Variants in SPATA16 observed in about 807,000 individuals in gnomAD.
The protein encoded by SPATA16 is spermatogenesis associated 16.
A neutral mutation model predicts 63.3 loss-of-function variants in SPATA16; 36 were observed. The observed-to-expected ratio is 0.57, with a 90% CI of 0.44 to 0.75. SPATA16 has a LOEUF of 0.75. Among genes scored for constraint, SPATA16 ranks in the 30% least tolerant of loss-of-function variants. SPATA16 has a pLI of 0.00. For missense variants in SPATA16, 646 were observed against 679.3 expected, an observed-to-expected ratio of 0.95 and a Z score of 0.54; for synonymous variants, 203 against 216.7, an observed-to-expected ratio of 0.94 and a Z score of 0.56.
At chr3:172,897,271 G>A (rs970369753) in intron 10 of SPATA16, among the ~76,000 whole-genome samples, 20 of 151,954 alleles carry the variant, frequency 1.3e-4, no homozygotes, top group African/African-American at 4.1e-4. Flanking sequence ...AGGATATATC[G>A]GTTTATTTCT....
chr3:173,075,693 C>A (rs576022358), intron 2 of SPATA16, among the ~76,000 whole-genome samples: 1 of 152,050 alleles, frequency 6.6e-6, no homozygotes, highest in East Asian at 1.9e-4. Context: ...TATCACAGGT[C>A]CTCACTAACA....
intron 1 of SPATA16, among the ~76,000 whole-genome samples, chr3:173,137,686 G>A (rs1414254890): frequency 6.6e-6 from 1 of 152,058 alleles, no homozygotes; most frequent in Non-Finnish European, 1.5e-5. Context: ...TAAAGGGTGA[G>A]GAAGTTAACT....
chr3:173,134,100 C>G (rs934004952), intron 1 of SPATA16, among the ~76,000 whole-genome samples: 1 of 152,192 alleles, frequency 6.6e-6, no homozygotes, highest in African/African-American at 2.4e-5. Flanking sequence ...AAGGAGGCAG[C>G]ATGGCTTTGA....
At chr3:173,023,127 A>T (rs975327903) in intron 3 of SPATA16, among the ~76,000 whole-genome samples, 1 of 142,254 alleles carries the variant, frequency 7.0e-6, no homozygotes, top group African/African-American at 2.7e-5. Context: ...ACATGATTTG[A>T]TGCTTGTGTA....
At chr3:173,096,202 T>G (rs1260632561) in intron 2 of SPATA16, among the ~76,000 whole-genome samples, 1 of 152,100 alleles carries the variant, frequency 6.6e-6, no homozygotes, top group Non-Finnish European at 1.5e-5. Context: ...AAATGGGCAT[T>G]TGGGTCAGCG....
At chr3:173,053,269 G>T (rs979465458) in intron 2 of SPATA16, among the ~76,000 whole-genome samples, 3 of 152,070 alleles carry the variant, frequency 2.0e-5, no homozygotes, top group Admixed American at 1.3e-4. Context: ...GGCAGAGTTT[G>T]CAGTGAGCAA....
chr3:173,042,938 A>G lies in SPATA16; in HGVS notation c.758+6011T>C, dbSNP rs907195963. On this transcript the variant is annotated intron_variant, in intron 3 of 10. Transcript: ENST00000351008. ...TTAATTGAGTCTTATTTTCATCTCT[A>G]GTAGTACACCTTCTCTTAAATTCTA... is the stretch of plus-strand genomic sequence containing the variant. Among the ~76,000 whole-genome samples, 8 of 152,166 alleles carry G rather than the reference A, an allele frequency of 5.3e-5. No individual in the cohort carries two copies. The South Asian group carries it at 1.4e-3, about 28-fold the overall frequency.
At chr3:172,962,818 A>G (rs1733820870) in intron 5 of SPATA16, among the ~76,000 whole-genome samples, 1 of 152,140 alleles carries the variant, frequency 6.6e-6, no homozygotes, top group African/African-American at 2.4e-5. Flanking sequence ...TTGTTATTAT[A>G]TTAATAATAA....
At chr3:173,074,602 G>A (rs1736745027) in intron 2 of SPATA16, among the ~76,000 whole-genome samples, 1 of 152,052 alleles carries the variant, frequency 6.6e-6, no homozygotes, top group South Asian at 2.1e-4. Flanking sequence ...ATGGAACTGT[G>A]AGTCCACTAG....
intron 2 of SPATA16, among the ~76,000 whole-genome samples, chr3:173,095,872 C>A (rs1270157533): frequency 6.6e-6 from 1 of 152,116 alleles, no homozygotes; most frequent in South Asian, 2.1e-4. Flanking sequence ...TAGCTATTAA[C>A]TTCTATCATA....
At chr3:173,083,516 A>G (rs894864448) in intron 2 of SPATA16, among the ~76,000 whole-genome samples, 1 of 152,190 alleles carries the variant, frequency 6.6e-6, no homozygotes, top group Non-Finnish European at 1.5e-5. Flanking sequence ...GTTCTGAGGT[A>G]CATGTGCAGG....
chr3:172,896,547 G>A (rs554298087), intron 10 of SPATA16, among the ~76,000 whole-genome samples: 2 of 152,290 alleles, frequency 1.3e-5, no homozygotes, highest in South Asian at 2.1e-4. Flanking sequence ...CACAGTGGTT[G>A]TACCATTTTA....
rs2108285816 is a variant in SPATA16, at chr3:173,034,214, T to A, written c.759-14639A>T. Among the ~76,000 whole-genome samples the A allele has an allele frequency of 2.0e-5, 3 of 152,272 alleles. No homozygotes were observed. In the Middle Eastern group the frequency reaches 0.01, roughly 518 times the overall value. On this transcript the variant is annotated intron_variant, in intron 3 of 10. Transcript: ENST00000351008. ...AGTAGCCTTATTGTATGGAAATAAG[T>A]GTTTGTCTGCATTCTATTATTTTTT...
At chr3:172,932,769 C>T (rs1560071056) in intron 6 of SPATA16, among the ~76,000 whole-genome samples, 1 of 151,934 alleles carries the variant, frequency 6.6e-6, no homozygotes, top group Non-Finnish European at 1.5e-5. Context: ...CATATGTATA[C>T]TATATAGATA....
chr3:172,960,875 C>CTTTCTTTTTTTCTTTCTTTCTT (rs139523157), intron 5 of SPATA16, among the ~76,000 whole-genome samples: 17 of 142,284 alleles, frequency 1.2e-4, no homozygotes, highest in African/African-American at 4.6e-4. Flanking sequence ...CTTTCTTTCT[C>CTTTCTTTTTTTCTTTCTTTCTT]TCTTTCTTTC....
chr3:173,028,811 C>T (rs889154243), intron 3 of SPATA16, among the ~76,000 whole-genome samples: 1 of 151,872 alleles, frequency 6.6e-6, no homozygotes, highest in African/African-American at 2.4e-5. Flanking sequence ...CCATATAGTC[C>T]CTTGAATTCA....
chr3:172,917,185 C>G (rs888540857), intron 8 of SPATA16, among the ~76,000 whole-genome samples: 2 of 152,174 alleles, frequency 1.3e-5, no homozygotes, highest in African/African-American at 2.4e-5. Flanking sequence ...AGTGGCCCAC[C>G]AAGGTGCCTG....
chr3:173,008,864 A>G (rs1281876639), intron 4 of SPATA16, among the ~76,000 whole-genome samples: 2 of 152,316 alleles, frequency 1.3e-5, no homozygotes, highest in South Asian at 2.1e-4. Context: ...AATTAAAAAA[A>G]TTGCTAAACT....
intron 3 of SPATA16, among the ~76,000 whole-genome samples, chr3:173,046,426 C>T (rs1371204602): frequency 2.0e-5 from 3 of 151,886 alleles, no homozygotes; most frequent in Admixed American, 6.6e-5. Flanking sequence ...ATCTTAAAAC[C>T]ATAAAGTTAT....
Sources: allele counts gnomAD v4.1 joint callset (sites outside exome capture counted in the v4.1 genomes callset), GRCh38; gene constraint gnomAD v4.1.1; transcripts MANE v1.5; gene names NCBI Gene and HGNC (gene_info 2026-07-23, HGNC 2026-07-21).